Variants in TP63 observed in about 807,000 individuals in gnomAD.
TP63 encodes tumor protein p63.
A neutral mutation model predicts 82.8 loss-of-function variants in TP63; 17 were observed. That is an observed-to-expected ratio of 0.21 (90% CI 0.14 to 0.31). TP63 has a LOEUF of 0.31. TP63 is among the 10% of genes least tolerant of loss of function. The pLI is 1.00. For missense variants in TP63, 648 were observed against 895.3 expected (o/e 0.72, Z 3.52); for synonymous variants, 330 against 321.7 (o/e 1.03, Z -0.28).
At chr3:189,734,031 CTTTT>C (rs935664705) in intron 1 of TP63, among the ~76,000 whole-genome samples, 2 of 151,742 alleles carry the variant, frequency 1.3e-5, no homozygotes, top group African/African-American at 2.4e-5. Context: ...TCCTTTCTTT[CTTTT>C]CTTTCTTTTT....
intron 9 of TP63, among the ~76,000 whole-genome samples, chr3:189,871,559 A>G (rs1718420419): frequency 6.6e-6 from 1 of 152,146 alleles, no homozygotes; most frequent in Non-Finnish European, 1.5e-5. Context: ...TCATTTCTGA[A>G]TTCTGACTAA....
intron 1 of TP63, among the ~76,000 whole-genome samples, chr3:189,706,409 C>A (rs1718201091): frequency 6.6e-6 from 1 of 152,050 alleles, no homozygotes; most frequent in African/African-American, 2.4e-5. Flanking sequence ...GCACCCACCA[C>A]CATGCCTGGC....
At chr3:189,689,188 T>C (rs933236158) in intron 1 of TP63, among the ~76,000 whole-genome samples, 5 of 135,256 alleles carry the variant, frequency 3.7e-5, no homozygotes, top group African/African-American at 1.4e-4. Context: ...ATGAACTGGT[T>C]CACTGCAACC....
At chr3:189,852,752 A>G (rs183286524) in intron 4 of TP63, among the ~76,000 whole-genome samples, 1 of 152,248 alleles carries the variant, frequency 6.6e-6, no homozygotes. Flanking sequence ...TTGCCTGCTC[A>G]TAGTAGTTAA....
intron 10 of TP63, chr3:189,879,917 T>C (rs1332076375): frequency 4.4e-6 from 5 of 1,140,706 alleles, no homozygotes; most frequent in Non-Finnish European, 5.7e-6. Context: ...GAAGATAAAT[T>C]GGAAGAACAA....
At chr3:189,738,005 A>T in intron 2 of TP63, 137 bp downstream of exon 2, 1 of 1,031,780 alleles carries the variant, frequency 9.7e-7, no homozygotes, top group Non-Finnish European at 1.4e-6. Context: ...CTCCAATGCC[A>T]TCTCTTTGTT....
chr3:189,706,980 G>A (rs73892315), intron 1 of TP63, among the ~76,000 whole-genome samples: 5,802 of 150,846 alleles, frequency 0.038, 173 homozygotes, highest in African/African-American at 0.086. Context: ...ATTCTGTTAT[G>A]GTTCCTTAAA....
intron 1 of TP63, among the ~76,000 whole-genome samples, chr3:189,657,486 A>G (rs1022629833): frequency 2.0e-5 from 3 of 152,142 alleles, no homozygotes; most frequent in African/African-American, 7.2e-5. Context: ...AATAGAGACT[A>G]TAAAATGAAG....
In TP63 at chr3:189,867,954, A is replaced by G. The variant is rs1172905814; in HGVS notation, c.992+12A>G. On this transcript the variant is annotated intron_variant, in intron 7 of 13. Transcript: ENST00000264731. The stretch of plus-strand genomic sequence containing the variant: ...CTGGAAACCAGAGAGTAAGTGGCGT[A>G]TGTAAAATTGTCATTCTACACAAAA... The G allele has an allele frequency of 6.2e-7, 1 of 1,608,138 alleles. No individual in the cohort carries two copies. Among genetic ancestry groups the G allele is most frequent in the Non-Finnish European group, 8.5e-7 (1 of 1,175,248 alleles).
intron 4 of TP63, among the ~76,000 whole-genome samples, chr3:189,852,240 A>G (rs1715728143): frequency 6.6e-6 from 1 of 152,206 alleles, no homozygotes; most frequent in Admixed American, 6.5e-5. Flanking sequence ...TCTCCTTCAC[A>G]ACAAAATTGG....
chr3:189,856,547 A>T (rs1439449771), intron 4 of TP63, among the ~76,000 whole-genome samples: 1 of 152,064 alleles, frequency 6.6e-6, no homozygotes, highest in African/African-American at 2.4e-5. Flanking sequence ...ATTTAAAGGT[A>T]TGCAGATTTG....
At chr3:189,827,976 C>T (rs754494558) in intron 4 of TP63, among the ~76,000 whole-genome samples, 3 of 152,176 alleles carry the variant, frequency 2.0e-5, no homozygotes, top group South Asian at 2.1e-4. Flanking sequence ...TGCAATGGCT[C>T]ATGCCTGTAA....
chr3:189,871,911 G>A (rs776586337), intron 9 of TP63, among the ~76,000 whole-genome samples: 1 of 152,084 alleles, frequency 6.6e-6, no homozygotes, highest in African/African-American at 2.4e-5. Context: ...TGTAGAGAAG[G>A]AGTTTTTTTC....
intron 3 of TP63, among the ~76,000 whole-genome samples, chr3:189,764,180 A>G (rs1722775508): frequency 6.6e-6 from 1 of 152,108 alleles, no homozygotes; most frequent in African/African-American, 2.4e-5. Flanking sequence ...GGCCCTATGA[A>G]TTGTCTACTT....
At chr3:189,816,272 C>G (rs1474986111) in intron 4 of TP63, among the ~76,000 whole-genome samples, 1 of 152,176 alleles carries the variant, frequency 6.6e-6, no homozygotes, top group African/African-American at 2.4e-5. Flanking sequence ...TCATTAAGCT[C>G]AAAAGAGATC....
intron 1 of TP63, among the ~76,000 whole-genome samples, chr3:189,719,642 G>T (rs758580866): frequency 6.6e-6 from 1 of 152,218 alleles, no homozygotes; most frequent in Non-Finnish European, 1.5e-5. Flanking sequence ...GTCGCAGGTT[G>T]AAAGCAGTCA....
At chr3:189,886,005 T>C (rs1720407448) in intron 10 of TP63, among the ~76,000 whole-genome samples, 1 of 152,248 alleles carries the variant, frequency 6.6e-6, no homozygotes, top group Non-Finnish European at 1.5e-5. Context: ...TCCATGTTTT[T>C]CGTCAGCCTT....
rs374315277 is a variant in TP63, at chr3:189,822,336, A to T, written c.579+13810A>T. On this transcript the variant is annotated intron_variant, in intron 4 of 13. Transcript: ENST00000264731. The stretch of plus-strand genomic sequence containing the variant: ...CTCTGGTGCCTAGTAGAGGTGATGT[A>T]TTAGGATAGTACTTTAAAACTTTTA... Among the ~76,000 whole-genome samples, 5 of 152,304 alleles carry T rather than the reference A, an allele frequency of 3.3e-5. No individual in the cohort carries two copies. In the East Asian group the frequency reaches 7.7e-4, roughly 24 times the overall value.
intron 4 of TP63, among the ~76,000 whole-genome samples, chr3:189,854,993 G>T (rs1716111091): frequency 6.6e-6 from 1 of 152,146 alleles, no homozygotes; most frequent in South Asian, 2.1e-4. Flanking sequence ...CAGAAGAAGT[G>T]AAAGTATTAT....
Sources: gnomAD v4.1 joint callset for allele counts (sites outside exome capture counted in the v4.1 genomes callset) on GRCh38, gnomAD v4.1.1 for gene constraint, MANE v1.5 for transcripts, NCBI Gene and HGNC (gene_info 2026-07-23, HGNC 2026-07-21) for gene names.